NAALADL2: variants seen among roughly 807,000 people sequenced by gnomAD.
NAALADL2 encodes N-acetylated alpha-linked acidic dipeptidase like 2, also known as inactive N-acetylated-alpha-linked acidic dipeptidase-like protein 2.
Under a neutral mutation model 87.2 loss-of-function variants are expected in NAALADL2, and 76 were observed. That is an observed-to-expected ratio of 0.87 (90% CI 0.72 to 1.05). The LOEUF (loss-of-function observed/expected upper bound fraction) is 1.05. Ranked by LOEUF, NAALADL2 falls within the 50% of genes least tolerant of loss-of-function variation. NAALADL2 has a pLI of 0.00. For synonymous variants in NAALADL2, 354 were observed against 331.0 expected (o/e 1.07, Z -0.75); for missense variants, 1,089 against 945.8 (o/e 1.15, Z -1.99).
intron 2 of NAALADL2, among the ~76,000 whole-genome samples, chr3:174,563,059 A>G (rs1184601167): frequency 1.3e-5 from 2 of 152,056 alleles, no homozygotes; most frequent in Non-Finnish European, 2.9e-5. Flanking sequence ...TTAAGTAGTC[A>G]TTTAAGCAAT....
chr3:174,474,234 A>T (rs370079040), intron 1 of NAALADL2, among the ~76,000 whole-genome samples: 120 of 152,324 alleles, frequency 7.9e-4, no homozygotes, highest in African/African-American at 2.7e-3. Context: ...TGAATTTAAC[A>T]TATTTCTACT....
chr3:175,070,917 G>C (rs1172382744), intron 1 of NAALADL2, among the ~76,000 whole-genome samples: 3 of 152,030 alleles, frequency 2.0e-5, no homozygotes, highest in Non-Finnish European at 4.4e-5. Context: ...TTGTGAATTT[G>C]TTGACCTATT....
intron 2 of NAALADL2, among the ~76,000 whole-genome samples, chr3:174,592,658 C>A (rs915921169): frequency 1.3e-5 from 2 of 152,054 alleles, no homozygotes; most frequent in African/African-American, 4.8e-5. Context: ...TTTAGAACTG[C>A]AAAGTTGTTG....
chr3:174,892,818 A>G (rs565417071), intron 1 of NAALADL2, among the ~76,000 whole-genome samples: 1 of 149,916 alleles, frequency 6.7e-6, no homozygotes, highest in African/African-American at 2.5e-5. Flanking sequence ...GCTACTCGGG[A>G]GGCTGAGGTG....
intron 9 of NAALADL2, among the ~76,000 whole-genome samples, chr3:175,546,217 CT>C (rs1199064410): frequency 1.3e-5 from 2 of 152,022 alleles, no homozygotes; most frequent in African/African-American, 4.8e-5. Context: ...TTAACCCCTG[CT>C]TTTTTCTGTT....
chr3:175,690,879 T>C (rs2149915533), intron 11 of NAALADL2, among the ~76,000 whole-genome samples: 1 of 152,146 alleles, frequency 6.6e-6, no homozygotes, highest in East Asian at 1.9e-4. Flanking sequence ...CATTACACAG[T>C]CCTCAAACTC....
chr3:175,613,610 T>C (rs1384186818), intron 10 of NAALADL2, among the ~76,000 whole-genome samples: 2 of 152,222 alleles, frequency 1.3e-5, no homozygotes, highest in African/African-American at 4.8e-5. Flanking sequence ...AAGTCAATCA[T>C]ATGTTTCATT....
chr3:174,910,338 G>T (rs939113616), intron 1 of NAALADL2, among the ~76,000 whole-genome samples: 2 of 151,970 alleles, frequency 1.3e-5, no homozygotes, highest in African/African-American at 4.8e-5. Context: ...TAAAATAACT[G>T]CATCACTTTT....
At chr3:174,508,711 A>G (rs907210761) in intron 1 of NAALADL2, among the ~76,000 whole-genome samples, 2 of 147,938 alleles carry the variant, frequency 1.4e-5, no homozygotes, top group African/African-American at 5.3e-5. Context: ...AACATTCCTA[A>G]ACATTTCATA....
In NAALADL2 at chr3:174,672,113, T is replaced by C. The variant is rs189734524; in HGVS notation, c.-114-65528T>C. On this transcript the variant is annotated intron_variant, in intron 2 of 3. Transcript: ENST00000434257. ...ATTAAGGTAAGGCAAGAGACACCTATGATTCACATTTCCTCTGCCCTTGTG... is the reference window on the plus strand; with the variant it reads ...ATTAAGGTAAGGCAAGAGACACCTACGATTCACATTTCCTCTGCCCTTGTG... 8.1e-3 allele frequency among the ~76,000 whole-genome samples: 1,233 copies of C among 152,230 alleles called. 19 individuals are homozygous for C. The highest frequency in any genetic ancestry group is 0.028 in the African/African-American group (1,182 of 41,546).
chr3:175,199,173 T>C (rs1188520072), intron 2 of NAALADL2, among the ~76,000 whole-genome samples: 1 of 152,152 alleles, frequency 6.6e-6, no homozygotes, highest in Non-Finnish European at 1.5e-5. Flanking sequence ...GCGCAGAGCT[T>C]TCTCCAAGGC....
chr3:174,655,448 G>T (rs370284560), intron 2 of NAALADL2, among the ~76,000 whole-genome samples: 1 of 150,724 alleles, frequency 6.6e-6, no homozygotes. Flanking sequence ...AGCCACCACC[G>T]TAAACTAGAT....
chr3:174,574,152 T>C (rs764252997), intron 2 of NAALADL2, among the ~76,000 whole-genome samples: 4 of 152,206 alleles, frequency 2.6e-5, no homozygotes, highest in Non-Finnish European at 5.9e-5. Context: ...TTCAAACTAA[T>C]TTGGGTCAAT....
intron 3 of NAALADL2, among the ~76,000 whole-genome samples, chr3:174,844,273 G>A (rs549492113): frequency 6.6e-6 from 1 of 152,122 alleles, no homozygotes; most frequent in South Asian, 2.1e-4. Flanking sequence ...TGCCCTATTG[G>A]TACCTGTGTT....
intron 3 of NAALADL2, among the ~76,000 whole-genome samples, chr3:175,242,824 T>C (rs1747180912): frequency 6.6e-6 from 1 of 152,182 alleles, no homozygotes; most frequent in South Asian, 2.1e-4. Context: ...TAGGAGAAAC[T>C]GGCATTTAAA....
At chr3:175,558,010 T>C (rs148828351) in intron 9 of NAALADL2, among the ~76,000 whole-genome samples, 5,749 of 151,708 alleles carry the variant, frequency 0.038, 164 homozygotes, top group South Asian at 0.15. Context: ...CTGGCTAACA[T>C]GGTGAAACCC....
intron 9 of NAALADL2, among the ~76,000 whole-genome samples, chr3:175,572,626 A>G (rs1396593247): frequency 6.6e-6 from 1 of 152,200 alleles, no homozygotes; most frequent in African/African-American, 2.4e-5. Flanking sequence ...AAAAGAAACC[A>G]TGGAAATGGA....
At chr3:175,243,478 A>G (rs1022022895) in intron 3 of NAALADL2, among the ~76,000 whole-genome samples, 16 of 150,396 alleles carry the variant, frequency 1.1e-4, no homozygotes, top group Non-Finnish European at 2.1e-4. Flanking sequence ...TTTGAAATAA[A>G]TTATAATGAA....
intron 10 of NAALADL2, among the ~76,000 whole-genome samples, chr3:175,603,827 A>T (rs1005879435): frequency 1.4e-5 from 2 of 147,266 alleles, no homozygotes; most frequent in Admixed American, 6.7e-5. Context: ...CCCCATCTAT[A>T]AAAAAAAACC....
Sources: allele counts gnomAD v4.1 joint callset (sites outside exome capture counted in the v4.1 genomes callset), GRCh38; gene constraint gnomAD v4.1.1; transcripts MANE v1.5; gene names NCBI Gene and HGNC (gene_info 2026-07-23, HGNC 2026-07-21).